POLR1H: variants seen among roughly 807,000 people sequenced by gnomAD.
POLR1H encodes the protein RNA polymerase I subunit H, also known as DNA-directed RNA polymerase I subunit RPA12.
A neutral mutation model predicts 15.8 loss-of-function variants in POLR1H; 5 were observed. That is an observed-to-expected ratio of 0.32 (90% CI 0.17 to 0.67). The LOEUF (loss-of-function observed/expected upper bound fraction) is 0.67, where lower values mean the gene tolerates loss of function less well. Ranked by LOEUF, POLR1H falls within the 30% of genes least tolerant of loss-of-function variation. POLR1H has a pLI of 0.74. For missense variants in POLR1H, 100 were observed against 163.4 expected (o/e 0.61, Z 2.11); for synonymous variants, 43 against 58.3 (o/e 0.74, Z 1.20).
rs1039045318 is a variant in POLR1H, at chr6:30,061,271, G to A, written c.-254G>A. Reference sequence around the variant, plus strand: ...GCTGCCCCGCCGCGGGCGCAGAGCTGGCGCTCTAGCCCACGGAGTTGGTTA... The same window carrying A: ...GCTGCCCCGCCGCGGGCGCAGAGCTAGCGCTCTAGCCCACGGAGTTGGTTA... On this transcript the variant is annotated 5_prime_UTR_variant, in exon 1 of 4. Transcript: ENST00000332435. This position sits in a 1 kb window ranked among gnomAD's most constrained non-coding sequence, Gnocchi z 5.0. 1 of 407,892 alleles carries A rather than the reference G, an allele frequency of 2.5e-6. No homozygotes were observed. The highest frequency in any genetic ancestry group is 2.1e-5 in the African/African-American group (1 of 48,596). 25.3% of individuals were successfully genotyped at this position (407,892 alleles called of 1,614,324 possible). A position where few individuals can be genotyped will look rare whatever the true frequency, so the allele number is the denominator to read the frequency against.
Position 30,061,961 on chromosome 6 carries a change from C to G in POLR1H, c.190C>G (p.Leu64Val). The change falls in exon 2 of 4, where the codon CTG (leucine) becomes GTG (valine). Residue 64 changes from leucine to valine, a missense_variant. Leu to Val is a conservative substitution (Grantham distance 32). Transcript: ENST00000332435. The surrounding 1 kb of genome is among the most constrained non-coding windows in gnomAD (Gnocchi z 5.0). ...GAAGACTTCGGTTGTGTTCCACCAA[C>G]TGGGGACAGCCATGCCTATGTCGGT... The part of the protein sequence containing the change: ...VVKTSVVFHQ[L>V]GTAMPMSVEE... 1 of 1,613,072 alleles carries G rather than the reference C, an allele frequency of 6.2e-7. No homozygotes were observed. The highest frequency in any genetic ancestry group is 8.5e-7 in the Non-Finnish European group (1 of 1,180,032).
At chr6:30,064,420 T>A (rs938974905) in intron 3 of POLR1H, among the ~76,000 whole-genome samples, 1 of 152,086 alleles carries the variant, frequency 6.6e-6, no homozygotes, top group African/African-American at 2.4e-5. Flanking sequence ...TTATCCTTTT[T>A]TTTTTCTTTT....
Position 30,064,860 on chromosome 6 carries a change from C to A in POLR1H, c.*163C>A, listed in dbSNP as rs1370569575. The A allele has an allele frequency of 4.3e-6, 2 of 468,356 alleles. No individual in the cohort carries two copies. 29.0% of individuals were successfully genotyped at this position (468,356 alleles called of 1,614,324 possible). On this transcript the variant is annotated 3_prime_UTR_variant, in exon 4 of 4. Coordinates refer to ENST00000332435, the MANE Select transcript of POLR1H (RefSeq NM_170783.4). ...CCATTGTTCCTGGAGTACTCCTACCCTTAGTTGAATTTCCTTATTAAAGTT... is the reference window on the plus strand; with the variant it reads ...CCATTGTTCCTGGAGTACTCCTACCATTAGTTGAATTTCCTTATTAAAGTT...
chr6:30,062,412 T>A (rs9261271), intron 3 of POLR1H, 79 bp downstream of exon 3: 49,056 of 973,520 alleles, frequency 0.05, 1,612 homozygotes, highest in East Asian at 0.074. Flanking sequence ...TTGTACGAAA[T>A]GGCCGTTTCC....
Position 30,061,683 on chromosome 6 carries a change from A to T in POLR1H, c.145+14A>T. The T allele has an allele frequency of 6.2e-7, 1 of 1,612,780 alleles. No individual in the cohort carries two copies. The highest frequency in any genetic ancestry group is 8.5e-7 in the Non-Finnish European group (1 of 1,179,880). ...TCAACGTTCGGGGTGAGAGGCTTGT[A>T]CGCAGGGGTCCTGGCGGAGGGCGCA... On this transcript the variant is annotated intron_variant, in intron 1 of 3. Coordinates refer to ENST00000332435, the MANE Select transcript of POLR1H (RefSeq NM_170783.4). This position sits in a 1 kb window ranked among gnomAD's most constrained non-coding sequence, Gnocchi z 5.0.
At position 30,061,446 on chromosome 6, in the gene POLR1H, G is replaced by A; in HGVS notation, c.-79G>A. 6 of 1,541,514 alleles carry A rather than the reference G, an allele frequency of 3.9e-6. No individual in the cohort carries two copies. The highest frequency in any genetic ancestry group is 5.3e-6 in the Non-Finnish European group (6 of 1,127,336). On this transcript the variant is annotated 5_prime_UTR_variant, in exon 1 of 4. Coordinates refer to ENST00000332435, the MANE Select transcript of POLR1H (RefSeq NM_170783.4). The surrounding 1 kb of genome is among the most constrained non-coding windows in gnomAD (Gnocchi z 5.0). ...TTATATACTCCTAGGTCCTGGGACA[G>A]AATAGTTACGACCTCTGGGACAGGA...
Position 30,063,116 on chromosome 6 carries a change from T to C in POLR1H, c.356+783T>C, listed in dbSNP as rs1765247283. ...AAATACGATTTTCTTTTATTCTGTT[T>C]GGGATTTGTTGGACTTTCTGAAACT... On this transcript the variant is annotated intron_variant, in intron 3 of 3. Coordinates refer to ENST00000332435, the MANE Select transcript of POLR1H (RefSeq NM_170783.4). The surrounding 1 kb of genome is among the most constrained non-coding windows in gnomAD (Gnocchi z 4.1). 1.3e-5 allele frequency among the ~76,000 whole-genome samples: 2 copies of C among 152,094 alleles called. No homozygotes were observed. The highest frequency in any genetic ancestry group is 1.3e-4 in the Admixed American group (2 of 15,264).
At chr6:30,064,606 T>C (rs1016359958) in intron 3 of POLR1H, 67 bp from the exon 4 acceptor site, 72 of 1,430,830 alleles carry the variant, frequency 5.0e-5, no homozygotes, top group Non-Finnish European at 5.1e-5. Flanking sequence ...TTTGATTGCA[T>C]ATCTTATCTT....
rs1204391274 is a variant in POLR1H, at chr6:30,061,636, T to G, written c.112T>G (p.Cys38Gly). ...GCCCGGGGCTCAGGATACGGTCACC[T>G]GTATTCGCTGTGGCTTCAACATCAA... ...PLPGAQDTVT[C>G]IRCGFNINVR... Residue 38 changes from cysteine (C) to glycine (G), a missense_variant, in exon 1 of 4, where the codon TGT (cysteine) becomes GGT (glycine). Transcript: ENST00000332435. The surrounding 1 kb of genome is among the most constrained non-coding windows in gnomAD (Gnocchi z 5.0). The G allele has an allele frequency of 6.2e-7, 1 of 1,613,066 alleles. No individual in the cohort carries two copies.
In POLR1H at chr6:30,063,682, T is replaced by A. The variant is rs1396016547; in HGVS notation, c.357-991T>A. Among the ~76,000 whole-genome samples the A allele has an allele frequency of 6.6e-6, 1 of 152,016 alleles. No homozygotes were observed. The highest frequency in any genetic ancestry group is 1.5e-5 in the Non-Finnish European group (1 of 68,008). On this transcript the variant is annotated intron_variant, in intron 3 of 3. Transcript: ENST00000332435. This position sits in a 1 kb window ranked among gnomAD's most constrained non-coding sequence, Gnocchi z 4.1. The stretch of plus-strand genomic sequence containing the variant: ...TGTGATTTTTGACTATAAATTCGAG[T>A]TTTTTAGAACTTGAACTGTAGGAAT...
At position 30,061,391 on chromosome 6, in the gene POLR1H, C is replaced by A; in HGVS notation, c.-134C>A. ...CGTTTCGGCTCCTTGGTCGCAGAGG[C>A]AGGAGGCGTGCGTGGCAGGAGGGTT... On this transcript the variant is annotated 5_prime_UTR_variant, in exon 1 of 4. Coordinates refer to ENST00000332435, the MANE Select transcript of POLR1H (RefSeq NM_170783.4). The surrounding 1 kb of genome is among the most constrained non-coding windows in gnomAD (Gnocchi z 5.0). 1.0e-6 allele frequency: 1 copy of A among 992,076 alleles called. No homozygotes were observed. Among genetic ancestry groups the A allele is most frequent in the Non-Finnish European group, 1.5e-6 (1 of 680,776 alleles). The allele number at this position is 992,076 out of a possible 1,614,324, so 61.5% of individuals were successfully genotyped here. A position where few individuals can be genotyped will look rare whatever the true frequency, so the allele number is the denominator to read the frequency against.
chr6:30,061,714 G>A lies in POLR1H; in HGVS notation c.145+45G>A, dbSNP rs560865284. On this transcript the variant is annotated intron_variant, in intron 1 of 3. Coordinates refer to ENST00000332435, the MANE Select transcript of POLR1H (RefSeq NM_170783.4). This position sits in a 1 kb window ranked among gnomAD's most constrained non-coding sequence, Gnocchi z 5.0. ...GGGTCCTGGCGGAGGGCGCAGGGTCGGAAGCTTGGGGAACTCAAGATCGGT... is the reference window on the plus strand; with the variant it reads ...GGGTCCTGGCGGAGGGCGCAGGGTCAGAAGCTTGGGGAACTCAAGATCGGT... The A allele has an allele frequency of 1.2e-6, 2 of 1,609,248 alleles. No homozygotes were observed. The highest frequency in any genetic ancestry group is 1.7e-5 in the Admixed American group (1 of 59,844).
At chr6:30,060,634 C>T (rs963797206), upstream of POLR1H, 6 of 152,282 alleles carry the variant, frequency 3.9e-5, no homozygotes, top group Admixed American at 2.0e-4. Flanking sequence ...GTCCTGAACC[C>T]CTTCTCAAGT....
rs1765243082 is a variant in POLR1H at position 30,063,048 on chromosome 6, C to G, written c.356+715C>G. Among the ~76,000 whole-genome samples, 1 of 152,018 alleles carries G rather than the reference C, an allele frequency of 6.6e-6. No homozygotes were observed. The highest frequency in any genetic ancestry group is 1.5e-5 in the Non-Finnish European group (1 of 68,004). On this transcript the variant is annotated intron_variant, in intron 3 of 3. Transcript: ENST00000332435. The surrounding 1 kb of genome is among the most constrained non-coding windows in gnomAD (Gnocchi z 4.1). ...TGGGCTTTCTGAATGCTTTTAAGAC[C>G]TCATTTTTGTCTTTGGTGTTCTGCA...
rs745925270 is a variant in POLR1H at position 30,064,736 on chromosome 6, C to T, written c.*39C>T. The T allele has an allele frequency of 3.1e-6, 5 of 1,596,696 alleles. No homozygotes were observed. The highest frequency in any genetic ancestry group is 1.1e-5 in the South Asian group (1 of 89,182). Reference sequence around the variant, plus strand: ...CAACTCTACAGTCCCTCCCTCCTTTCGGAAGGTGAAGGATACTGGGTTTTT... The same window carrying T: ...CAACTCTACAGTCCCTCCCTCCTTTTGGAAGGTGAAGGATACTGGGTTTTT... On this transcript the variant is annotated 3_prime_UTR_variant, in exon 4 of 4. Transcript: ENST00000332435.
chr6:30,062,927 G>A (rs1310894366), intron 3 of POLR1H, among the ~76,000 whole-genome samples: 1 of 151,426 alleles, frequency 6.6e-6, no homozygotes, highest in Non-Finnish European at 1.5e-5. Context: ...TAAGAAGCAG[G>A]TATTGTTTAG....
Position 30,062,216 on chromosome 6 carries a change from C to T in POLR1H, c.247-8C>T. The T allele has an allele frequency of 6.2e-7, 1 of 1,610,728 alleles. No homozygotes were observed. The highest frequency in any genetic ancestry group is 8.5e-7 in the Non-Finnish European group (1 of 1,177,906). On this transcript the variant is annotated splice_region_variant and splice_polypyrimidine_tract_variant and intron_variant, in intron 2 of 3. Coordinates refer to ENST00000332435, the MANE Select transcript of POLR1H (RefSeq NM_170783.4). ...CCAGGCCTCCCTAACCCACCAGTTTCTTCCCAGGTTGACAGGCGCTGCCCT... is the reference window on the plus strand; with the variant it reads ...CCAGGCCTCCCTAACCCACCAGTTTTTTCCCAGGTTGACAGGCGCTGCCCT...
In POLR1H at chr6:30,061,772, C is replaced by A. The variant is rs1765094913; in HGVS notation, c.145+103C>A. On this transcript the variant is annotated intron_variant, in intron 1 of 3. Transcript: ENST00000332435. The surrounding 1 kb of genome is among the most constrained non-coding windows in gnomAD (Gnocchi z 5.0). Reference sequence around the variant, plus strand: ...AGGAGGGGATCCTAGAGCAGGACATCAGGCGGTTGTACATTTGGTCTAGCG... The same window carrying A: ...AGGAGGGGATCCTAGAGCAGGACATAAGGCGGTTGTACATTTGGTCTAGCG... 3 of 1,570,276 alleles carry A rather than the reference C, an allele frequency of 1.9e-6. No homozygotes were observed. Among genetic ancestry groups the A allele is most frequent in the Non-Finnish European group, 2.6e-6 (3 of 1,150,260 alleles).
Position 30,063,585 on chromosome 6 carries a change from C to T in POLR1H, c.357-1088C>T, listed in dbSNP as rs9261278. 0.15 allele frequency among the ~76,000 whole-genome samples: 22,557 copies of T among 151,716 alleles called. 2,245 individuals carry two copies. The highest frequency in any genetic ancestry group is 0.27 in the African/African-American group (11,074 of 41,362). On this transcript the variant is annotated intron_variant, in intron 3 of 3. Transcript: ENST00000332435. This position sits in a 1 kb window ranked among gnomAD's most constrained non-coding sequence, Gnocchi z 4.1. ...CTATGTCTTATAATTCTGATATCTGCGGATTTTGTGTGTCTGATGCTGCTG... is the reference window on the plus strand; with the variant it reads ...CTATGTCTTATAATTCTGATATCTGTGGATTTTGTGTGTCTGATGCTGCTG...
Sources: gnomAD v4.1 joint callset for allele counts (sites outside exome capture counted in the v4.1 genomes callset) on GRCh38, gnomAD v4.1.1 for gene constraint, Gnocchi (gnomAD v3.1) non-coding constraint, MANE v1.5 for transcripts, NCBI Gene and HGNC (gene_info 2026-07-23, HGNC 2026-07-21) for gene names.